RBM19: variants seen among roughly 807,000 people sequenced by gnomAD.
The protein encoded by RBM19 is probable RNA-binding protein 19.
RBM19 carries 94 observed loss-of-function variants against 116.8 expected under a neutral mutation model. The ratio of observed to expected loss-of-function variants is 0.80; its 90% confidence interval spans 0.68 to 0.95. The LOEUF (loss-of-function observed/expected upper bound fraction) is 0.95. Among genes scored for constraint, RBM19 ranks in the 40% least tolerant of loss-of-function variants. The probability of loss-of-function intolerance (pLI) is 0.00; values close to 1 mark genes in which losing one functional copy is unlikely to be tolerated. For synonymous variants in RBM19, 475 were observed against 494.1 expected (o/e 0.96, Z 0.51); for missense variants, 1,161 against 1,220.7 (o/e 0.95, Z 0.73).
At chr12:113,949,883 G>A (rs956987943) in intron 9 of RBM19, among the ~76,000 whole-genome samples, 200 bp downstream of exon 9, 1 of 152,084 alleles carries the variant, frequency 6.6e-6, no homozygotes, top group Non-Finnish European at 1.5e-5. Flanking sequence ...TCCTAAGTCA[G>A]TTTACTCTCT....
chr12:113,896,725 G>A (rs907994134), intron 21 of RBM19, among the ~76,000 whole-genome samples: 1 of 152,146 alleles, frequency 6.6e-6, no homozygotes, highest in African/African-American at 2.4e-5. Context: ...CCTCCAAGAC[G>A]ATGGTGAAAT....
In RBM19 at chr12:113,948,996, G is replaced by T; in HGVS notation, c.1113C>A (p.Pro371=). 1.2e-6 allele frequency: 2 copies of T among 1,614,138 alleles called. No individual in the cohort carries two copies. The highest frequency in any genetic ancestry group is 1.7e-6 in the Non-Finnish European group (2 of 1,180,008). ...YIEVFREKNV[P]TTKGAPKNTT... ...TATTCTTTGGTGCACCCTTGGTGGT[G>T]GGGACGTTCTTTTCCCTGAACACCT... Residue 371 remains proline (P), a synonymous_variant, in exon 10 of 24, where the codon CCC becomes CCA. Transcript: ENST00000261741.
intron 21 of RBM19, among the ~76,000 whole-genome samples, chr12:113,891,101 C>A (rs1880934096): frequency 6.6e-6 from 1 of 152,098 alleles, no homozygotes; most frequent in Non-Finnish European, 1.5e-5. Flanking sequence ...CCAGGCCTGG[C>A]CTTGATGGAA....
chr12:113,948,815 C>G lies in RBM19; in HGVS notation c.1276+18G>C. ...CATAGCCGCTGGGCTATCCACGGCC[C>G]GGAGGCCACACCCCTACCATATTTG... On this transcript the variant is annotated intron_variant, in intron 10 of 23. Transcript: ENST00000261741. 1 of 1,613,568 alleles carries G rather than the reference C, an allele frequency of 6.2e-7. No homozygotes were observed. The highest frequency in any genetic ancestry group is 1.7e-5 in the Admixed American group (1 of 59,998).
intron 11 of RBM19, 107 bp from the exon 12 acceptor site, chr12:113,946,582 A>T: frequency 6.8e-7 from 1 of 1,473,058 alleles, no homozygotes; most frequent in Non-Finnish European, 9.3e-7. Flanking sequence ...CCCAGCACTG[A>T]AACCCTGACC....
intron 18 of RBM19, among the ~76,000 whole-genome samples, chr12:113,923,670 C>A (rs1327400357): frequency 6.6e-6 from 1 of 152,222 alleles, no homozygotes; most frequent in Non-Finnish European, 1.5e-5. Flanking sequence ...GTGTGAGTGG[C>A]CTCTGAACAC....
At chr12:113,836,999 AC>A (rs1478744447) in intron 23 of RBM19, among the ~76,000 whole-genome samples, 1 of 62,964 alleles carries the variant, frequency 1.6e-5, no homozygotes, top group African/African-American at 1.0e-4. Flanking sequence ...CTACATACAC[AC>A]ACACACACAC....
At chr12:113,965,322 CA>C (rs1872783007) in intron 1 of RBM19, among the ~76,000 whole-genome samples, 1 of 113,750 alleles carries the variant, frequency 8.8e-6, no homozygotes, top group African/African-American at 3.9e-5. Context: ...AAAACAAAAC[CA>C]AAAAAAGCCA....
chr12:113,860,078 C>T (rs549263356), intron 21 of RBM19, among the ~76,000 whole-genome samples: 42 of 152,354 alleles, frequency 2.8e-4, no homozygotes, highest in Admixed American at 1.3e-3. Context: ...CCTCGGAGCT[C>T]TCCCCAGCAG....
intron 21 of RBM19, among the ~76,000 whole-genome samples, chr12:113,908,382 C>G (rs1384675038): frequency 6.6e-6 from 1 of 151,848 alleles, no homozygotes; most frequent in Non-Finnish European, 1.5e-5. Flanking sequence ...CTTCCACTGT[C>G]ACGGCCACTG....
chr12:113,834,246 A>C (rs1413960391), intron 23 of RBM19, among the ~76,000 whole-genome samples: 4 of 152,220 alleles, frequency 2.6e-5, no homozygotes, highest in African/African-American at 7.2e-5. Flanking sequence ...TAAGGTCATC[A>C]GTGAAGAACT....
intron 15 of RBM19, among the ~76,000 whole-genome samples, chr12:113,937,838 G>A (rs532735059): frequency 2.4e-4 from 37 of 152,020 alleles, no homozygotes; most frequent in African/African-American, 7.2e-4. Flanking sequence ...CTCATTAGGC[G>A]GTTACTGGGG....
chr12:113,947,262 A>T, intron 11 of RBM19, 72 bp downstream of exon 11: 2 of 1,510,536 alleles, frequency 1.3e-6, no homozygotes, highest in Non-Finnish European at 1.8e-6. Flanking sequence ...ACACATACAC[A>T]CACACACACA....
chr12:113,902,261 G>A (rs74237689), intron 21 of RBM19, among the ~76,000 whole-genome samples: 2 of 151,984 alleles, frequency 1.3e-5, no homozygotes, highest in African/African-American at 4.8e-5. Flanking sequence ...ATAGACACAG[G>A]CACCTCCCTC....
At chr12:113,912,190 C>T (rs1032325509) in intron 21 of RBM19, among the ~76,000 whole-genome samples, 2 of 152,202 alleles carry the variant, frequency 1.3e-5, no homozygotes, top group African/African-American at 2.4e-5. Context: ...CTTCTCTCCC[C>T]TCCAGCAGGC....
At chr12:113,935,256 C>T (rs907184068) in intron 16 of RBM19, among the ~76,000 whole-genome samples, 28 of 151,910 alleles carry the variant, frequency 1.8e-4, no homozygotes, top group African/African-American at 6.3e-4. Flanking sequence ...TTTTCAGTGC[C>T]GCTCAGCCCT....
Position 113,962,235 on chromosome 12 carries a change from G to C in RBM19, c.216C>G (p.Ile72Met), listed in dbSNP as rs375347402. The change falls in exon 2 of 24, where the codon ATC becomes ATG. Residue 72 changes from isoleucine (I) to methionine (M), a missense_variant. Physicochemically the swap from Ile to Met is conservative, Grantham distance 10. Coordinates refer to ENST00000261741, the MANE Select transcript of RBM19 (RefSeq NM_016196.4). ...GGTGAGACTCCTGCCCACTCACTGT[G>C]ATCCGGGATGTGTCGATGAAGCTCT... ...FNKSFIDTSR[I>M]TVEFCKSFGD... The C allele has an allele frequency of 6.2e-7, 1 of 1,614,244 alleles. No homozygotes were observed. The highest frequency in any genetic ancestry group is 8.5e-7 in the Non-Finnish European group (1 of 1,180,020).
chr12:113,960,293 T>C (rs1268959292), intron 2 of RBM19, 115 bp from the exon 3 acceptor site: 2 of 1,420,804 alleles, frequency 1.4e-6, no homozygotes, highest in African/African-American at 1.4e-5. Context: ...CTAGCTGAGT[T>C]TGCTGAAGTA....
chr12:113,828,099 C>CA (rs34234377), intron 23 of RBM19, among the ~76,000 whole-genome samples: 17,230 of 66,896 alleles, frequency 0.26, 1,883 homozygotes, highest in East Asian at 0.42. Flanking sequence ...GACTCTGTCT[C>CA]AAAAAAAAAA....
Sources: gnomAD v4.1 joint callset for allele counts (sites outside exome capture counted in the v4.1 genomes callset) on GRCh38, gnomAD v4.1.1 for gene constraint, MANE v1.5 for transcripts, NCBI Gene and HGNC (gene_info 2026-07-23, HGNC 2026-07-21) for gene names.